Variants in CSMD3 observed in about 807,000 individuals in gnomAD.
CSMD3 encodes CUB and sushi domain-containing protein 3.
Under a neutral mutation model 435.2 loss-of-function variants are expected in CSMD3, and 177 were observed. That is an observed-to-expected ratio of 0.41 (90% CI 0.36 to 0.46). The LOEUF (loss-of-function observed/expected upper bound fraction) is 0.46, where lower values mean the gene tolerates loss of function less well. Among genes scored for constraint, CSMD3 ranks in the 20% least tolerant of loss-of-function variants. The pLI is 0.34. For missense variants in CSMD3, 4,265 were observed against 4,504.6 expected, an observed-to-expected ratio of 0.95 and a Z score of 1.52; for synonymous variants, 1,656 against 1,520.5, an observed-to-expected ratio of 1.09 and a Z score of -2.07.
chr8:112,524,288 T>C (rs961702353), intron 27 of CSMD3, among the ~76,000 whole-genome samples: 1 of 151,824 alleles, frequency 6.6e-6, no homozygotes, highest in Non-Finnish European at 1.5e-5. Flanking sequence ...AAAATATGAG[T>C]TGATTTGAAA....
chr8:113,100,300 TC>T (rs1169127723), intron 4 of CSMD3, among the ~76,000 whole-genome samples: 1 of 152,140 alleles, frequency 6.6e-6, no homozygotes, highest in East Asian at 1.9e-4. Context: ...GAACTAGTTG[TC>T]TTGTCTAGAC....
chr8:112,900,798 A>T (rs1427498916), intron 10 of CSMD3, among the ~76,000 whole-genome samples: 1 of 151,272 alleles, frequency 6.6e-6, no homozygotes, highest in Non-Finnish European at 1.5e-5. Flanking sequence ...AATCAGTGGC[A>T]ACTACATGGA....
rs764440409 is a variant in CSMD3 at position 113,425,063 on chromosome 8, A to G, written c.178+11614T>C. Among the ~76,000 whole-genome samples, 118 of 151,686 alleles carry G rather than the reference A, an allele frequency of 7.8e-4. 1 individual carries two copies. The highest frequency in any genetic ancestry group is 8.3e-4 in the South Asian group (4 of 4,828). ...CCTATATTCTCAAAGTCTAGGCAAG[A>G]GTCTGATACATACTGGTTCTCAATA... On this transcript the variant is annotated intron_variant, in intron 1 of 70. Coordinates refer to ENST00000297405, the MANE Select transcript of CSMD3 (RefSeq NM_198123.2).
chr8:112,562,944 C>A (rs1828764419), intron 24 of CSMD3, among the ~76,000 whole-genome samples: 1 of 151,536 alleles, frequency 6.6e-6, no homozygotes, highest in South Asian at 2.1e-4. Context: ...TTGTATTTAG[C>A]AATTTGGAAG....
chr8:112,428,329 T>C (rs973811231), intron 32 of CSMD3, among the ~76,000 whole-genome samples: 3 of 152,170 alleles, frequency 2.0e-5, no homozygotes, highest in African/African-American at 7.2e-5. Flanking sequence ...AACAGAGATA[T>C]GTTAAAGATG....
intron 5 of CSMD3, among the ~76,000 whole-genome samples, chr8:113,088,725 G>T: frequency 9.3e-6 from 1 of 107,864 alleles, no homozygotes; most frequent in Non-Finnish European, 1.8e-5. Flanking sequence ...TGGGGGGAGG[G>T]GGGAGGGATA....
intron 1 of CSMD3, among the ~76,000 whole-genome samples, chr8:113,425,212 C>T (rs2094629402): frequency 6.6e-6 from 1 of 151,424 alleles, no homozygotes; most frequent in Admixed American, 6.6e-5. Context: ...ATGTCAATCC[C>T]ATAATATTCA....
intron 1 of CSMD3, among the ~76,000 whole-genome samples, chr8:113,386,246 G>A (rs977995949): frequency 2.6e-5 from 4 of 151,870 alleles, no homozygotes; most frequent in African/African-American, 9.7e-5. Flanking sequence ...GTTTAAGAGT[G>A]GGGGTAGTAG....
intron 5 of CSMD3, among the ~76,000 whole-genome samples, chr8:113,072,857 CT>C (rs2089183300): frequency 6.6e-6 from 1 of 151,634 alleles, no homozygotes; most frequent in African/African-American, 2.4e-5. Flanking sequence ...TTAATTGATT[CT>C]TGTTCTTATC....
chr8:112,447,750 T>A (rs770349949), intron 32 of CSMD3, among the ~76,000 whole-genome samples: 11 of 152,350 alleles, frequency 7.2e-5, no homozygotes, highest in Non-Finnish European at 1.2e-4. Flanking sequence ...TTGAAATGTA[T>A]TGAATTTATT....
chr8:113,179,723 A>G (rs1200982266), intron 3 of CSMD3, among the ~76,000 whole-genome samples: 1 of 151,862 alleles, frequency 6.6e-6, no homozygotes, highest in Non-Finnish European at 1.5e-5. Flanking sequence ...TGCAATTTAA[A>G]TCTTGAAAGA....
chr8:113,275,397 T>G lies in CSMD3; in HGVS notation c.514+3195A>C, dbSNP rs1171389929. 2.0e-5 allele frequency among the ~76,000 whole-genome samples: 3 copies of G among 152,118 alleles called. No homozygotes were observed. In the East Asian group the frequency reaches 5.8e-4, roughly 29 times the overall value. On this transcript the variant is annotated intron_variant, in intron 3 of 70. Transcript: ENST00000297405. ...CTCAGTAGGCATAAGAATCAGTGAGTCTCTTATTACAATGCATATTCCAGG... is the reference window on the plus strand; with the variant it reads ...CTCAGTAGGCATAAGAATCAGTGAGGCTCTTATTACAATGCATATTCCAGG...
chr8:112,457,123 T>C (rs1440848405), intron 32 of CSMD3, among the ~76,000 whole-genome samples: 1 of 152,130 alleles, frequency 6.6e-6, no homozygotes, highest in African/African-American at 2.4e-5. Context: ...CTAATTCTAG[T>C]GCCCCTACCT....
intron 22 of CSMD3, among the ~76,000 whole-genome samples, chr8:112,601,531 G>A (rs1253656680): frequency 6.6e-6 from 1 of 152,108 alleles, no homozygotes; most frequent in Non-Finnish European, 1.5e-5. Flanking sequence ...AGCAAAAGGT[G>A]CAAGAAAGTA....
chr8:113,149,531 C>G (rs998948132), intron 4 of CSMD3, among the ~76,000 whole-genome samples: 2 of 151,792 alleles, frequency 1.3e-5, no homozygotes, highest in African/African-American at 4.8e-5. Flanking sequence ...GTATGCAATT[C>G]CCCACATTTC....
At chr8:112,336,601 G>T in intron 44 of CSMD3, 51 bp downstream of exon 44, 1 of 1,355,978 alleles carries the variant, frequency 7.4e-7, no homozygotes, top group Non-Finnish European at 1.1e-6. Context: ...TTCCAACCTT[G>T]TTTTACTGTG....
intron 5 of CSMD3, among the ~76,000 whole-genome samples, chr8:113,033,392 G>A (rs1266095486): frequency 1.3e-5 from 2 of 151,648 alleles, no homozygotes; most frequent in Admixed American, 6.6e-5. Context: ...TGGATGTGAG[G>A]CATACAGTCA....
At position 112,295,883 on chromosome 8, in the gene CSMD3, C is replaced by A. The variant is rs1820211677; in HGVS notation, c.8564G>T (p.Arg2855Met). 1 of 1,614,006 alleles carries A rather than the reference C, an allele frequency of 6.2e-7. No individual in the cohort carries two copies. Among genetic ancestry groups the A allele is most frequent in the Non-Finnish European group, 8.5e-7 (1 of 1,179,978 alleles). ...PGFRLIGSSVRICQQDHNWSG... is the reference protein window; with the variant it reads ...PGFRLIGSSVMICQQDHNWSG... ...CCAATTGTGATCCTGTTGACATATC[C>A]TCACTGAAGAACCAATCAATCGAAA... The change falls in exon 54 of 71, where the codon AGG (arginine) becomes ATG (methionine). Residue 2855 changes from arginine (R) to methionine (M), a missense_variant. Transcript: ENST00000297405.
chr8:112,897,491 A>G (rs1251015816), intron 10 of CSMD3, among the ~76,000 whole-genome samples: 1 of 151,038 alleles, frequency 6.6e-6, no homozygotes, highest in Non-Finnish European at 1.5e-5. Context: ...TTCCTGCCCT[A>G]TTGATTACAT....
Sources: allele counts gnomAD v4.1 joint callset (sites outside exome capture counted in the v4.1 genomes callset), GRCh38; gene constraint gnomAD v4.1.1; transcripts MANE v1.5; gene names NCBI Gene and HGNC (gene_info 2026-07-23, HGNC 2026-07-21).